CHSY3: variants seen among roughly 807,000 people sequenced by gnomAD.
CHSY3 encodes the protein N-acetylgalactosaminyl-proteoglycan 3-beta-glucuronosyltransferase 3.
CHSY3 carries 35 observed loss-of-function variants against 67.2 expected under a neutral mutation model. That is an observed-to-expected ratio of 0.52 (90% CI 0.40 to 0.69). The LOEUF (loss-of-function observed/expected upper bound fraction) is 0.69. CHSY3 is among the 30% of genes least tolerant of loss of function. The pLI, the probability that CHSY3 is intolerant of heterozygous loss-of-function variation, is 0.00. For missense variants in CHSY3, 1,069 were observed against 1,138.5 expected (o/e 0.94, Z 0.88); for synonymous variants, 474 against 434.7 (o/e 1.09, Z -1.12).
intron 2 of CHSY3, among the ~76,000 whole-genome samples, chr5:129,920,388 G>A (rs1200469436): frequency 2.0e-5 from 3 of 152,198 alleles, no homozygotes; most frequent in Admixed American, 6.5e-5. Flanking sequence ...TAAGATTACA[G>A]ACATGCGCCA....
intron 2 of CHSY3, among the ~76,000 whole-genome samples, chr5:130,169,171 T>A (rs1769832208): frequency 6.6e-6 from 1 of 152,134 alleles, no homozygotes; most frequent in Admixed American, 6.6e-5. Context: ...ATCTACTGTA[T>A]ACACGGCAGT....
chr5:129,948,880 T>A (rs1761942983), intron 2 of CHSY3, among the ~76,000 whole-genome samples: 1 of 152,146 alleles, frequency 6.6e-6, no homozygotes, highest in African/African-American at 2.4e-5. Flanking sequence ...CTTGCAGTAG[T>A]GGGATTGTTG....
At chr5:129,967,650 A>G (rs574542832) in intron 2 of CHSY3, among the ~76,000 whole-genome samples, 1 of 151,978 alleles carries the variant, frequency 6.6e-6, no homozygotes, top group African/African-American at 2.4e-5. Flanking sequence ...CTTTATCTGC[A>G]TCTCATTAAT....
chr5:129,975,693 T>C (rs1762785471), intron 2 of CHSY3, among the ~76,000 whole-genome samples: 1 of 152,184 alleles, frequency 6.6e-6, no homozygotes, highest in African/African-American at 2.4e-5. Context: ...GTATTCAGGA[T>C]AGTCAAGAAC....
intron 2 of CHSY3, among the ~76,000 whole-genome samples, chr5:130,106,721 A>G (rs894599576): frequency 2.0e-5 from 3 of 151,522 alleles, no homozygotes; most frequent in African/African-American, 7.3e-5. Context: ...CTGTCTCTAA[A>G]CTTAAATTTA....
chr5:130,074,156 C>T (rs1384661185), intron 2 of CHSY3, among the ~76,000 whole-genome samples: 3 of 152,266 alleles, frequency 2.0e-5, no homozygotes, highest in African/African-American at 7.2e-5. Flanking sequence ...CTACAACCTC[C>T]TCCTTCCAGG....
intron 2 of CHSY3, among the ~76,000 whole-genome samples, chr5:130,027,635 C>T (rs185079657): frequency 9.8e-4 from 148 of 150,716 alleles, no homozygotes; most frequent in African/African-American, 3.4e-3. Context: ...CCCAACCCCA[C>T]GACAGTCCCT....
intron 2 of CHSY3, among the ~76,000 whole-genome samples, chr5:130,113,990 T>G (rs978814286): frequency 6.6e-6 from 1 of 152,186 alleles, no homozygotes; most frequent in Non-Finnish European, 1.5e-5. Flanking sequence ...CTTTTCTGCT[T>G]TATGCCAAAT....
chr5:130,088,120 G>T (rs1473718944), intron 2 of CHSY3, among the ~76,000 whole-genome samples: 1 of 152,106 alleles, frequency 6.6e-6, no homozygotes, highest in Non-Finnish European at 1.5e-5. Context: ...AATGGGGAAA[G>T]GATTCCCTAT....
intron 2 of CHSY3, among the ~76,000 whole-genome samples, chr5:129,942,185 C>T (rs79386388): frequency 0.011 from 1,702 of 152,232 alleles, 39 homozygotes; most frequent in African/African-American, 0.038. Flanking sequence ...GAGAGAGATT[C>T]TGCTTCCTGA....
chr5:129,990,795 C>A (rs1487367732), intron 2 of CHSY3, among the ~76,000 whole-genome samples: 1 of 152,012 alleles, frequency 6.6e-6, no homozygotes, highest in Non-Finnish European at 1.5e-5. Context: ...TATGAAAAAA[C>A]ATAGTTCCAG....
intron 2 of CHSY3, among the ~76,000 whole-genome samples, chr5:130,143,727 TGTGTG>T (rs1768948971): frequency 8.8e-6 from 1 of 114,170 alleles, no homozygotes; most frequent in Admixed American, 9.3e-5. Flanking sequence ...TATATGTGTG[TGTGTG>T]TGTATATATA....
intron 2 of CHSY3, among the ~76,000 whole-genome samples, chr5:130,092,205 C>G (rs1379707825): frequency 6.6e-6 from 1 of 152,178 alleles, no homozygotes; most frequent in Non-Finnish European, 1.5e-5. Context: ...AACACTGGGT[C>G]TGCTCTAAAT....
chr5:129,946,205 A>G (rs899198637), intron 2 of CHSY3, among the ~76,000 whole-genome samples: 4 of 152,152 alleles, frequency 2.6e-5, no homozygotes, highest in East Asian at 1.9e-4. Flanking sequence ...TTTTTTGGAA[A>G]AAAATAGGCA....
intron 2 of CHSY3, among the ~76,000 whole-genome samples, chr5:130,136,424 A>C (rs889548376): frequency 2.6e-5 from 4 of 152,112 alleles, no homozygotes; most frequent in Non-Finnish European, 5.9e-5. Flanking sequence ...GAGTAACTGA[A>C]GTTTTGAGGC....
intron 2 of CHSY3, among the ~76,000 whole-genome samples, chr5:130,135,871 TA>T (rs1768644793): frequency 6.6e-6 from 1 of 152,224 alleles, no homozygotes; most frequent in Non-Finnish European, 1.5e-5. Flanking sequence ...TTATTTTGCG[TA>T]TATAATTGTT....
At chr5:130,006,947 G>A (rs891275236) in intron 2 of CHSY3, among the ~76,000 whole-genome samples, 4 of 152,060 alleles carry the variant, frequency 2.6e-5, no homozygotes, top group African/African-American at 4.8e-5. Flanking sequence ...ACACTACCTC[G>A]GAATCTTGTT....
intron 2 of CHSY3, among the ~76,000 whole-genome samples, chr5:129,970,398 TTAGATAGATAGATAGA>T (rs59639782): frequency 0.012 from 1,798 of 145,730 alleles, 30 homozygotes; most frequent in African/African-American, 0.04. Flanking sequence ...GAGGAACAGA[TTAGATAGATAGATAGA>T]TAGATAGATA....
intron 2 of CHSY3, among the ~76,000 whole-genome samples, chr5:130,070,984 C>T (rs1766043783): frequency 6.6e-6 from 1 of 151,870 alleles, no homozygotes; most frequent in African/African-American, 2.4e-5. Flanking sequence ...ATATAGGTTC[C>T]TGTGTTCATT....
Sources: gnomAD v4.1 joint callset for allele counts (sites outside exome capture counted in the v4.1 genomes callset) on GRCh38, gnomAD v4.1.1 for gene constraint, MANE v1.5 for transcripts, NCBI Gene and HGNC (gene_info 2026-07-23, HGNC 2026-07-21) for gene names.